ADGRB3: variants seen among roughly 807,000 people sequenced by gnomAD.
The protein encoded by ADGRB3 is adhesion G protein-coupled receptor B3.
In ADGRB3, 37 loss-of-function variants were observed where a neutral mutation model predicts 193.4. The ratio of observed to expected loss-of-function variants is 0.19; its 90% CI spans 0.15 to 0.25. The LOEUF (loss-of-function observed/expected upper bound fraction) is 0.25. ADGRB3 is among the 10% of genes least tolerant of loss of function. The probability of loss-of-function intolerance (pLI) is 1.00; values close to 1 mark genes in which losing one functional copy is unlikely to be tolerated. For missense variants in ADGRB3, 1,637 were observed against 1,852.9 expected (o/e 0.88, Z 2.14); for synonymous variants, 690 against 644.2 (o/e 1.07, Z -1.08).
rs1767935998 is a variant in ADGRB3, at chr6:68,635,847, T to C, written c.-341T>C. ...ACCTTTTGCTTTTCGTATGTATGCA[T>C]TTTTAAAAATAAATCCTGATTTTGG... On this transcript the variant is annotated 5_prime_UTR_variant, in exon 1 of 32. Transcript: ENST00000370598. 6.5e-6 allele frequency: 1 copy of C among 152,690 alleles called. No homozygotes were observed. Among genetic ancestry groups the C allele is most frequent in the South Asian group, 2.1e-4 (1 of 4,824 alleles). The allele number at this position is 152,690 out of a possible 1,614,324, so 9.5% of individuals were successfully genotyped here.
In ADGRB3 at chr6:69,382,902, C is replaced by G; in HGVS notation, c.4347C>G (p.Asp1449Glu). 6.2e-7 allele frequency: 1 copy of G among 1,608,742 alleles called. No homozygotes were observed. Among genetic ancestry groups the G allele is most frequent in the Non-Finnish European group, 8.5e-7 (1 of 1,176,944 alleles). The change falls in exon 31 of 32, where the codon GAC (aspartate) becomes GAG (glutamate). Residue 1449 changes from aspartate (D) to glutamate (E), a missense_variant. By Grantham distance (45) the Asp-to-Glu change is conservative. Transcript: ENST00000370598. ...QELNQKFQTL[D>E]RFRDIPNTSS... is the part of the protein sequence containing the mutation. ...TAAATCAGAAATTTCAAACTTTGGACAGATTTCGGGATATACCAAATACAA... is the reference window on the plus strand; with the variant it reads ...TAAATCAGAAATTTCAAACTTTGGAGAGATTTCGGGATATACCAAATACAA...
At chr6:69,325,272 C>G (rs1288809170) in intron 21 of ADGRB3, among the ~76,000 whole-genome samples, 1 of 151,054 alleles carries the variant, frequency 6.6e-6, no homozygotes, top group Non-Finnish European at 1.5e-5. Flanking sequence ...AATGAGACCC[C>G]GAGATGCCTA....
intron 3 of ADGRB3, among the ~76,000 whole-genome samples, chr6:68,737,567 A>G (rs1191208872): frequency 2.0e-5 from 3 of 152,110 alleles, no homozygotes; most frequent in Non-Finnish European, 4.4e-5. Context: ...TATTATTATC[A>G]AGCACTAAAT....
intron 17 of ADGRB3, among the ~76,000 whole-genome samples, chr6:69,168,072 T>C (rs1350828565): frequency 1.3e-5 from 2 of 152,212 alleles, no homozygotes; most frequent in East Asian, 1.9e-4. Flanking sequence ...GAGACTCTTA[T>C]TAGAAATTAA....
At chr6:68,917,777 A>C (rs976086109) in intron 3 of ADGRB3, among the ~76,000 whole-genome samples, 1 of 152,160 alleles carries the variant, frequency 6.6e-6, no homozygotes, top group African/African-American at 2.4e-5. Context: ...ATTTTACTTT[A>C]TCAATATGCC....
At chr6:68,816,906 C>A (rs890118082) in intron 3 of ADGRB3, among the ~76,000 whole-genome samples, 5 of 152,026 alleles carry the variant, frequency 3.3e-5, no homozygotes, top group Admixed American at 6.6e-5. Flanking sequence ...TAATATAAAT[C>A]TACTAGGTGC....
intron 6 of ADGRB3, among the ~76,000 whole-genome samples, chr6:68,944,643 C>T (rs1450396908): frequency 3.9e-5 from 6 of 151,920 alleles, no homozygotes; most frequent in Non-Finnish European, 8.8e-5. Flanking sequence ...ATTAATTTCA[C>T]CCATTATGCT....
At chr6:69,046,662 G>C (rs1771246350) in intron 13 of ADGRB3, among the ~76,000 whole-genome samples, 1 of 152,028 alleles carries the variant, frequency 6.6e-6, no homozygotes, top group Non-Finnish European at 1.5e-5. Flanking sequence ...GCTGATAATG[G>C]AATGACTAAT....
At position 68,956,236 on chromosome 6, in the gene ADGRB3, G is replaced by T. The variant is rs561757931; in HGVS notation, c.1360+48G>T. 1.0e-5 allele frequency: 16 copies of T among 1,527,404 alleles called. No homozygotes were observed. In the Middle Eastern group the frequency reaches 5.5e-4, roughly 52 times the overall value. The allele number at this position is 1,527,404 out of a possible 1,614,324, so 94.6% of individuals were successfully genotyped here. On this transcript the variant is annotated intron_variant, in intron 7 of 31. Transcript: ENST00000370598. ...CATGGGCACTCGTACCATGTAAAGG[G>T]CACATTATAAAATGTGTCAGAACTA...
intron 23 of ADGRB3, chr6:69,332,230 T>C (rs1768747264): frequency 1.0e-6 from 1 of 985,160 alleles, no homozygotes; most frequent in African/African-American, 1.7e-5. Flanking sequence ...TATGTGTGAT[T>C]TCATTTCATG....
intron 8 of ADGRB3, among the ~76,000 whole-genome samples, chr6:68,967,334 A>C (rs1768411445): frequency 6.6e-6 from 1 of 152,166 alleles, no homozygotes; most frequent in Non-Finnish European, 1.5e-5. Context: ...CAGTAATAGA[A>C]AGATGTGGTT....
At chr6:69,040,107 A>T (rs112966285) in intron 13 of ADGRB3, among the ~76,000 whole-genome samples, 1 of 152,098 alleles carries the variant, frequency 6.6e-6, no homozygotes, top group Non-Finnish European at 1.5e-5. Context: ...TGCCAGTCTG[A>T]GGTTAGACAG....
intron 6 of ADGRB3, among the ~76,000 whole-genome samples, chr6:68,952,071 A>G (rs1305857060): frequency 6.6e-6 from 1 of 152,196 alleles, no homozygotes; most frequent in Non-Finnish European, 1.5e-5. Flanking sequence ...TCCCTAAAAG[A>G]TAATGCACAA....
At chr6:68,956,420 C>T (rs190967391) in intron 7 of ADGRB3, among the ~76,000 whole-genome samples, 3 of 151,892 alleles carry the variant, frequency 2.0e-5, no homozygotes, top group Admixed American at 1.3e-4. Context: ...AGATGAACTA[C>T]GAATACATTT....
At chr6:69,384,908 G>A (rs758220333) in intron 31 of ADGRB3, among the ~76,000 whole-genome samples, 5 of 151,476 alleles carry the variant, frequency 3.3e-5, no homozygotes, top group Non-Finnish European at 5.9e-5. Context: ...GCATAATTGG[G>A]TGGAGACAGA....
At chr6:69,171,677 CCT>C (rs1775274551) in intron 17 of ADGRB3, among the ~76,000 whole-genome samples, 1 of 152,118 alleles carries the variant, frequency 6.6e-6, no homozygotes, top group African/African-American at 2.4e-5. Context: ...AACCTCATTC[CCT>C]GTCTTCCCCT....
chr6:69,074,737 G>A (rs1472136133), intron 16 of ADGRB3, among the ~76,000 whole-genome samples: 1 of 151,922 alleles, frequency 6.6e-6, no homozygotes, highest in Non-Finnish European at 1.5e-5. Flanking sequence ...AGTACAGACG[G>A]GGTTTCACTG....
chr6:69,187,373 A>G (rs932472867), intron 17 of ADGRB3, among the ~76,000 whole-genome samples: 1 of 152,206 alleles, frequency 6.6e-6, no homozygotes, highest in Non-Finnish European at 1.5e-5. Context: ...TATTGTTCGT[A>G]TAAGACTTTC....
At chr6:69,307,405 T>C (rs1308196951) in intron 20 of ADGRB3, among the ~76,000 whole-genome samples, 1 of 151,664 alleles carries the variant, frequency 6.6e-6, no homozygotes, top group African/African-American at 2.4e-5. Context: ...CAGGTTAGAA[T>C]ATGAAATTTC....
Sources: gnomAD v4.1 joint callset for allele counts (sites outside exome capture counted in the v4.1 genomes callset) on GRCh38, gnomAD v4.1.1 for gene constraint, MANE v1.5 for transcripts, NCBI Gene and HGNC (gene_info 2026-07-23, HGNC 2026-07-21) for gene names.